The following DCLK1 variants were observed in gnomAD, a reference collection of about 807,000 sequenced individuals.
DCLK1 encodes doublecortin like kinase 1, also known as serine/threonine-protein kinase DCLK1.
DCLK1 carries 16 observed loss-of-function variants against 86.2 expected under a neutral mutation model. The ratio of observed to expected loss-of-function variants is 0.19; its 90% CI spans 0.13 to 0.28. The LOEUF (loss-of-function observed/expected upper bound fraction) is 0.28. DCLK1 is among the 10% of genes least tolerant of loss of function. The pLI is 1.00. For missense variants in DCLK1, 590 were observed against 940.2 expected (o/e 0.63, Z 4.87); for synonymous variants, 369 against 370.5 (o/e 1.00, Z 0.05).
intron 2 of DCLK1, among the ~76,000 whole-genome samples, chr13:36,115,315 A>G (rs928033690): frequency 1.4e-5 from 2 of 138,862 alleles, no homozygotes; most frequent in African/African-American, 5.5e-5. Context: ...ATGAAATAAA[A>G]GTGAATTTAT....
intron 2 of DCLK1, 69 bp downstream of exon 2, chr13:36,125,693 C>A: frequency 9.8e-6 from 15 of 1,532,634 alleles, no homozygotes; most frequent in East Asian, 2.3e-5. Context: ...AAATGCGAAT[C>A]GGCTACAACA....
intron 3 of DCLK1, among the ~76,000 whole-genome samples, chr13:35,990,799 T>A (rs935476422): frequency 1.3e-5 from 2 of 152,244 alleles, no homozygotes; most frequent in East Asian, 1.9e-4. Flanking sequence ...ACGTGGGGAT[T>A]TTTTTTTAAG....
intron 11 of DCLK1, among the ~76,000 whole-genome samples, chr13:35,811,510 T>G (rs2087143666): frequency 1.3e-5 from 2 of 152,172 alleles, no homozygotes; most frequent in Non-Finnish European, 2.9e-5. Context: ...GTGTCTCCGA[T>G]TTATGAAAAT....
chr13:35,776,810 T>C (rs2086432195), intron 16 of DCLK1, among the ~76,000 whole-genome samples: 1 of 152,190 alleles, frequency 6.6e-6, no homozygotes, highest in Admixed American at 6.5e-5. Flanking sequence ...ACTGGCACCT[T>C]CTTGATATTT....
At chr13:35,827,407 G>A (rs900801185) in intron 10 of DCLK1, among the ~76,000 whole-genome samples, 1 of 152,172 alleles carries the variant, frequency 6.6e-6, no homozygotes, top group Admixed American at 6.5e-5. Flanking sequence ...CTTTACATAT[G>A]TTGAAAGTGA....
intron 3 of DCLK1, among the ~76,000 whole-genome samples, chr13:36,101,848 A>T (rs1266184517): frequency 1.3e-5 from 2 of 151,880 alleles, no homozygotes; most frequent in African/African-American, 4.8e-5. Context: ...GTTTCAAGGG[A>T]TTCTTCTGCC....
chr13:35,830,048 G>A (rs1868824182), intron 8 of DCLK1, among the ~76,000 whole-genome samples: 1 of 152,214 alleles, frequency 6.6e-6, no homozygotes, highest in Admixed American at 6.5e-5. Flanking sequence ...GTGGGGTAGA[G>A]GAGGAGAAGG....
chr13:35,909,325 T>C (rs1874864682), intron 4 of DCLK1, among the ~76,000 whole-genome samples: 1 of 152,160 alleles, frequency 6.6e-6, no homozygotes, highest in Non-Finnish European at 1.5e-5. Flanking sequence ...AAATGAATAT[T>C]TGCACATAAA....
intron 3 of DCLK1, among the ~76,000 whole-genome samples, chr13:36,079,228 C>G (rs1252962263): frequency 6.6e-6 from 1 of 151,984 alleles, no homozygotes; most frequent in Non-Finnish European, 1.5e-5. Context: ...TCCAGCAGCT[C>G]AAAACTAAAG....
At chr13:35,990,397 T>C (rs1011500621) in intron 3 of DCLK1, among the ~76,000 whole-genome samples, 5 of 152,232 alleles carry the variant, frequency 3.3e-5, no homozygotes, top group African/African-American at 1.2e-4. Context: ...CGCTCTTTGA[T>C]GCTCCAGAAC....
rs1029415104 is a variant in DCLK1, at chr13:35,772,467, C to T, written c.*2068G>A. 1 of 152,166 alleles carries T rather than the reference C, an allele frequency of 6.6e-6. No individual in the cohort carries two copies. Among genetic ancestry groups the T allele is most frequent in the Non-Finnish European group, 1.5e-5 (1 of 68,030 alleles). 9.4% of individuals were successfully genotyped at this position (152,166 alleles called of 1,614,324 possible). A position where few individuals can be genotyped will look rare whatever the true frequency, so the allele number is the denominator to read the frequency against. On this transcript the variant is annotated 3_prime_UTR_variant, in exon 17 of 17. Transcript: ENST00000360631. ...GCTACTCCATAGCCTTGGAATAGTG[C>T]TTTGCTTTATATTTCTAGAGAAAGC...
rs753362053 is a variant in DCLK1, at chr13:35,947,331, CT to C, written c.823+26del. The C allele has an allele frequency of 1.8e-5, 29 of 1,602,126 alleles. No individual in the cohort carries two copies. In the South Asian group the frequency reaches 3.0e-4, roughly 17 times the overall value. On this transcript the variant is annotated intron_variant, in intron 4 of 16. Coordinates refer to ENST00000360631, the MANE Select transcript of DCLK1 (RefSeq NM_001330071.2). ...TTTCGAAAGCTGCCTCAAATTTCCC[CT>C]GGTTTTGAACTTTTTTTTTCCTTAC...
chr13:36,067,803 T>G (rs905950144), intron 3 of DCLK1, among the ~76,000 whole-genome samples: 2 of 152,112 alleles, frequency 1.3e-5, no homozygotes, highest in African/African-American at 2.4e-5. Context: ...TCCTAGGAGC[T>G]GACACAGCAG....
chr13:36,119,587 T>C (rs1394129936), intron 2 of DCLK1, among the ~76,000 whole-genome samples: 1 of 152,188 alleles, frequency 6.6e-6, no homozygotes, highest in African/African-American at 2.4e-5. Flanking sequence ...ATCAACATCA[T>C]GTACCCCCTG....
chr13:35,936,962 C>CTTTTTTTTTATTTTTTTTTTTTTTTTTTT (rs1876788091), intron 4 of DCLK1, among the ~76,000 whole-genome samples: 1 of 65,712 alleles, frequency 1.5e-5, no homozygotes, highest in Non-Finnish European at 3.0e-5. Context: ...GAAAAGTTAG[C>CTTTTTTTTTATTTTTTTTTTTTTTTTTTT]TTTTTTTTTT....
intron 6 of DCLK1, among the ~76,000 whole-genome samples, chr13:35,840,032 G>A (rs1220998900): frequency 6.6e-6 from 1 of 152,146 alleles, no homozygotes; most frequent in Non-Finnish European, 1.5e-5. Context: ...GTTTCCCTGG[G>A]TTTATCCACT....
intron 3 of DCLK1, among the ~76,000 whole-genome samples, chr13:36,045,354 A>ATC (rs1566658697): frequency 7.8e-6 from 1 of 128,226 alleles, no homozygotes; most frequent in East Asian, 2.4e-4. Context: ...ATATATATAT[A>ATC]TATATATATA....
At chr13:35,945,820 G>A (rs967017905) in intron 4 of DCLK1, among the ~76,000 whole-genome samples, 2 of 152,158 alleles carry the variant, frequency 1.3e-5, no homozygotes, top group African/African-American at 4.8e-5. Flanking sequence ...GGGCACGTAG[G>A]TCAGAAATAA....
intron 16 of DCLK1, chr13:35,788,103 G>T (rs1274910741): frequency 9.9e-7 from 1 of 1,005,204 alleles, no homozygotes; most frequent in Non-Finnish European, 1.6e-6. Flanking sequence ...GCAGCATATG[G>T]ACTGGATAAC....
Sources: gnomAD v4.1 joint callset for allele counts (sites outside exome capture counted in the v4.1 genomes callset) on GRCh38, gnomAD v4.1.1 for gene constraint, MANE v1.5 for transcripts, NCBI Gene and HGNC (gene_info 2026-07-23, HGNC 2026-07-21) for gene names.